Variants in BASP1 observed in about 807,000 individuals in gnomAD.
The protein encoded by BASP1 is brain abundant membrane attached signal protein 1, also known as brain acid soluble protein 1.
BASP1 carries 1 observed loss-of-function variant against 2.2 expected under a neutral mutation model. The observed-to-expected ratio is 0.46, with a 90% CI of 0.16 to 2.17. The LOEUF is 2.17. Ranked by LOEUF, BASP1 falls within the 30% of genes most tolerant of loss-of-function variation. The pLI, the probability that BASP1 is intolerant of heterozygous loss-of-function variation, is 0.27. For missense variants in BASP1, 352 were observed against 327.2 expected, an observed-to-expected ratio of 1.08 and a Z score of -0.58; for synonymous variants, 187 against 154.2, an observed-to-expected ratio of 1.21 and a Z score of -1.58.
Position 17,236,113 on chromosome 5 carries a change from G to A in BASP1, c.-10+18303G>A, listed in dbSNP as rs1254770726. Among the ~76,000 whole-genome samples, 1 of 152,078 alleles carries A rather than the reference G, an allele frequency of 6.6e-6. No individual in the cohort carries two copies. The highest frequency in any genetic ancestry group is 1.5e-5 in the Non-Finnish European group (1 of 68,016). ...GACAATTCTTCCAGTGTGGCCCAGGGAAGCCAAAAGATTGGACACCCCCAC... is the reference window on the plus strand; with the variant it reads ...GACAATTCTTCCAGTGTGGCCCAGGAAAGCCAAAAGATTGGACACCCCCAC... On this transcript the variant is annotated intron_variant, in intron 1 of 1. Coordinates refer to ENST00000322611, the MANE Select transcript of BASP1 (RefSeq NM_006317.5). This position sits in a 1 kb window ranked among gnomAD's most constrained non-coding sequence, Gnocchi z 4.0.
intron 1 of BASP1, among the ~76,000 whole-genome samples, chr5:17,233,041 TA>T (rs1203251000): frequency 1.3e-5 from 2 of 152,250 alleles, no homozygotes; most frequent in Non-Finnish European, 2.9e-5. Context: ...TGTAGTTAAA[TA>T]ATAATGCAAG....
chr5:17,256,942 G>A (rs1740222193), intron 1 of BASP1, among the ~76,000 whole-genome samples: 2 of 152,190 alleles, frequency 1.3e-5, no homozygotes, highest in Admixed American at 6.5e-5. Context: ...CCCCAAACAA[G>A]TGAACTGGGT....
At chr5:17,222,558 A>G (rs191984226) in intron 1 of BASP1, among the ~76,000 whole-genome samples, 65 of 152,322 alleles carry the variant, frequency 4.3e-4, no homozygotes, top group African/African-American at 1.4e-3. Context: ...ATATAGTTCA[A>G]TTGTAATTTT....
chr5:17,239,285 G>T (rs1028592770), intron 1 of BASP1, among the ~76,000 whole-genome samples: 1 of 152,010 alleles, frequency 6.6e-6, no homozygotes, highest in East Asian at 1.9e-4. Flanking sequence ...AGTAGAGACG[G>T]GGTTTCACCA....
intron 1 of BASP1, among the ~76,000 whole-genome samples, chr5:17,222,181 G>T (rs1319951218): frequency 6.6e-6 from 1 of 152,040 alleles, no homozygotes; most frequent in Non-Finnish European, 1.5e-5. Flanking sequence ...TCCTAAAGGG[G>T]ACCAAATATC....
chr5:17,223,236 T>C (rs577131092), intron 1 of BASP1, among the ~76,000 whole-genome samples: 22 of 152,306 alleles, frequency 1.4e-4, no homozygotes, highest in African/African-American at 5.3e-4. Flanking sequence ...TTACTGGTTG[T>C]ATGATCTTTG....
Position 17,275,949 on chromosome 5 carries a change from CTCTCTCTCTCTCTCTCTCTCTA to C in BASP1, c.*61_*82del. 1.9e-6 allele frequency: 2 copies of C among 1,079,322 alleles called. No homozygotes were observed. Among genetic ancestry groups the C allele is most frequent in the Non-Finnish European group, 2.4e-6 (2 of 834,318 alleles). 66.9% of individuals were successfully genotyped at this position (1,079,322 alleles called of 1,614,324 possible). On this transcript the variant is annotated 3_prime_UTR_variant, in exon 2 of 2. Coordinates refer to ENST00000322611, the MANE Select transcript of BASP1 (RefSeq NM_006317.5). This position sits in a 1 kb window ranked among gnomAD's most constrained non-coding sequence, Gnocchi z 5.3. ...AATACCACTTAAAACAATCTCCTCT[CTCTCTCTCTCTCTCTCTCTCTA>C]TCTCTCTCTCTATCTCCTCTCTCTC...
chr5:17,222,211 C>T (rs1739405990), intron 1 of BASP1, among the ~76,000 whole-genome samples: 1 of 151,956 alleles, frequency 6.6e-6, no homozygotes, highest in Non-Finnish European at 1.5e-5. Context: ...ATTTTCTGTC[C>T]TTGTGTTTGT....
chr5:17,276,003 C>A lies in BASP1; in HGVS notation c.*103C>A. 1 of 968,936 alleles carries A rather than the reference C, an allele frequency of 1.0e-6. No individual in the cohort carries two copies. The highest frequency in any genetic ancestry group is 1.4e-6 in the Non-Finnish European group (1 of 693,840). 60.0% of individuals were successfully genotyped at this position (968,936 alleles called of 1,614,324 possible). A position where few individuals can be genotyped will look rare whatever the true frequency, so the allele number is the denominator to read the frequency against. ...TCTCTATCTCCTCTCTCTCTCTCCT[C>A]TCCTATCTCTCCTCTCTCTCTCTCC... On this transcript the variant is annotated 3_prime_UTR_variant, in exon 2 of 2. Coordinates refer to ENST00000322611, the MANE Select transcript of BASP1 (RefSeq NM_006317.5).
intron 1 of BASP1, among the ~76,000 whole-genome samples, chr5:17,262,056 ATTTTCTC>A (rs1465437413): frequency 2.0e-5 from 3 of 152,036 alleles, no homozygotes; most frequent in Admixed American, 2.0e-4. Flanking sequence ...GCTTTGTAAA[ATTTTCTC>A]TTTTGATTTT....
chr5:17,235,138 T>C (rs1158092800), intron 1 of BASP1, among the ~76,000 whole-genome samples: 1 of 152,170 alleles, frequency 6.6e-6, no homozygotes, highest in Non-Finnish European at 1.5e-5. Context: ...GTAGTTACTG[T>C]CAGACTCCTT....
chr5:17,276,550 A>G lies in BASP1; in HGVS notation c.*650A>G, dbSNP rs996828646. ...TGACAAACATTCTCTCATCCTACTTAGCCTACCTAGATTTCTCATGACGAG... is the reference window on the plus strand; with the variant it reads ...TGACAAACATTCTCTCATCCTACTTGGCCTACCTAGATTTCTCATGACGAG... On this transcript the variant is annotated 3_prime_UTR_variant, in exon 2 of 2. Transcript: ENST00000322611. 1.8e-5 allele frequency: 3 copies of G among 162,732 alleles called. No individual in the cohort carries two copies. Among genetic ancestry groups the G allele is most frequent in the African/African-American group, 7.5e-5 (3 of 39,836 alleles). 10.1% of individuals were successfully genotyped at this position (162,732 alleles called of 1,614,324 possible). A position where few individuals can be genotyped will look rare whatever the true frequency, so the allele number is the denominator to read the frequency against.
intron 1 of BASP1, among the ~76,000 whole-genome samples, chr5:17,274,588 G>A (rs757399676): frequency 4.6e-5 from 7 of 152,182 alleles, no homozygotes; most frequent in Non-Finnish European, 1.0e-4. Context: ...CTTGGTGTTT[G>A]CATCAGACAT....
At chr5:17,218,673 G>A (rs1739321291) in intron 1 of BASP1, among the ~76,000 whole-genome samples, 1 of 152,138 alleles carries the variant, frequency 6.6e-6, no homozygotes, top group African/African-American at 2.4e-5. Context: ...TGGGAGCGTA[G>A]GGTTGGGGTT....
chr5:17,255,190 T>C (rs994336302), intron 1 of BASP1, among the ~76,000 whole-genome samples: 1 of 152,244 alleles, frequency 6.6e-6, no homozygotes, highest in South Asian at 2.1e-4. Flanking sequence ...ACCTGGAATT[T>C]TGGAGATGAA....
chr5:17,244,565 C>G (rs1041578007), intron 1 of BASP1, among the ~76,000 whole-genome samples: 2 of 152,128 alleles, frequency 1.3e-5, no homozygotes, highest in African/African-American at 4.8e-5. Context: ...GTGTGACCCA[C>G]AAGCACACTG....
chr5:17,222,561 G>T (rs552363367), intron 1 of BASP1, among the ~76,000 whole-genome samples: 15 of 152,252 alleles, frequency 9.9e-5, no homozygotes, highest in Non-Finnish European at 2.1e-4. Context: ...TAGTTCAATT[G>T]TAATTTTGAG....
At chr5:17,219,455 A>G (rs1739350610) in intron 1 of BASP1, among the ~76,000 whole-genome samples, 1 of 152,196 alleles carries the variant, frequency 6.6e-6, no homozygotes, top group Non-Finnish European at 1.5e-5. Flanking sequence ...CTTGATGAGG[A>G]TGAAGGCAAA....
chr5:17,275,759 C>G lies in BASP1; in HGVS notation c.543C>G (p.Pro181=). 5 of 1,612,626 alleles carry G rather than the reference C, an allele frequency of 3.1e-6. No homozygotes were observed. Among genetic ancestry groups the G allele is most frequent in the Non-Finnish European group, 4.2e-6 (5 of 1,179,594 alleles). ...AACCCGGCAGCTCGGAGGCTGCCCCCTCTTCCAAGGAGACCCCCGCAGCCA... is the reference window on the plus strand; with the variant it reads ...AACCCGGCAGCTCGGAGGCTGCCCCGTCTTCCAAGGAGACCCCCGCAGCCA... ...DSKPGSSEAA[P]SSKETPAATE... The change falls in exon 2 of 2, where the codon CCC becomes CCG. Residue 181 remains proline, a synonymous_variant. Coordinates refer to ENST00000322611, the MANE Select transcript of BASP1 (RefSeq NM_006317.5). The surrounding 1 kb of genome is among the most constrained non-coding windows in gnomAD (Gnocchi z 5.3).
Sources: allele counts gnomAD v4.1 joint callset (sites outside exome capture counted in the v4.1 genomes callset), GRCh38; gene constraint gnomAD v4.1.1; non-coding constraint Gnocchi (gnomAD v3.1); transcripts MANE v1.5; gene names NCBI Gene and HGNC (gene_info 2026-07-23, HGNC 2026-07-21).